The following DNAH10 variants were observed in gnomAD, a reference collection of about 807,000 sequenced individuals.
The protein encoded by DNAH10 is axonemal beta dynein heavy chain 10.
A neutral mutation model predicts 506.6 loss-of-function variants in DNAH10; 348 were observed. The ratio of observed to expected loss-of-function variants is 0.69; its 90% confidence interval spans 0.63 to 0.75. The LOEUF (loss-of-function observed/expected upper bound fraction) is 0.75. Ranked by LOEUF, DNAH10 falls within the 30% of genes least tolerant of loss-of-function variation. DNAH10 has a pLI of 0.00. For missense variants in DNAH10, 5,179 were observed against 5,787.1 expected (o/e 0.89, Z 3.41); for synonymous variants, 2,059 against 2,198.6 (o/e 0.94, Z 1.78).
chr12:123,878,342 C>T (rs11057382), intron 48 of DNAH10, among the ~76,000 whole-genome samples: 67,260 of 152,058 alleles, frequency 0.44, 15,532 homozygotes, highest in Non-Finnish European at 0.51. Flanking sequence ...TAGGCTTATA[C>T]CTTTACATGA....
intron 5 of DNAH10, among the ~76,000 whole-genome samples, chr12:123,777,743 T>A (rs112376732): frequency 0.045 from 6,881 of 152,266 alleles, 495 homozygotes; most frequent in African/African-American, 0.15. Flanking sequence ...CCTCCCAGGC[T>A]TAAACGATCC....
chr12:123,899,884 G>GCA (rs540219640), intron 56 of DNAH10, among the ~76,000 whole-genome samples: 32 of 152,168 alleles, frequency 2.1e-4, no homozygotes, highest in Non-Finnish European at 4.7e-4. Context: ...TCTGTTGCTT[G>GCA]CAACCAAAGC....
chr12:123,853,719 GT>G lies in DNAH10; in HGVS notation c.6438+375del, dbSNP rs1255991524. Among the ~76,000 whole-genome samples the G allele has an allele frequency of 5.9e-5, 9 of 151,978 alleles. No homozygotes were observed. The South Asian group carries it at 1.7e-3, about 28-fold the overall frequency. On this transcript the variant is annotated intron_variant, in intron 36 of 78. Transcript: ENST00000673944. The surrounding 1 kb of genome is among the most constrained non-coding windows in gnomAD (Gnocchi z 4.7). ...TGAAACAAAAGAGGGGAACAATTGT[GT>G]TTTTTTTACATGGACTTTAAATAAA...
intron 24 of DNAH10, among the ~76,000 whole-genome samples, chr12:123,825,324 C>T (rs1344705818): frequency 6.6e-6 from 1 of 152,172 alleles, no homozygotes; most frequent in African/African-American, 2.4e-5. Context: ...CTTGCAGAGA[C>T]TTCTGCATGA....
At chr12:123,869,071 G>T (rs1951923592) in intron 43 of DNAH10, among the ~76,000 whole-genome samples, 1 of 152,158 alleles carries the variant, frequency 6.6e-6, no homozygotes, top group South Asian at 2.1e-4. Context: ...CCAGACACCT[G>T]CTCACAGCTT....
Position 123,785,980 on chromosome 12 carries a change from CT to C in DNAH10, c.1421+49del. On this transcript the variant is annotated intron_variant, in intron 9 of 78. Coordinates refer to ENST00000673944, the MANE Select transcript of DNAH10 (RefSeq NM_001372106.1). The surrounding 1 kb of genome is among the most constrained non-coding windows in gnomAD (Gnocchi z 4.1). The stretch of plus-strand genomic sequence containing the variant: ...CATTTTTTTGTTTTGTTTTGTTTCA[CT>C]TTTTACTTTTTAGATCTTAAACAGC... The C allele has an allele frequency of 6.4e-7, 1 of 1,571,606 alleles. No individual in the cohort carries two copies. The highest frequency in any genetic ancestry group is 8.7e-7 in the Non-Finnish European group (1 of 1,153,640).
chr12:123,834,789 G>A (rs952924539), intron 27 of DNAH10, among the ~76,000 whole-genome samples: 33 of 152,142 alleles, frequency 2.2e-4, no homozygotes, highest in African/African-American at 5.8e-4. Context: ...GATCCTTTAC[G>A]TCTGGCTTTT....
At position 123,813,257 on chromosome 12, in the gene DNAH10, ATC is replaced by A; in HGVS notation, c.3244_3245del (p.Leu1082GlufsTer6). The A allele has an allele frequency of 1.9e-6, 3 of 1,614,208 alleles. No individual in the cohort carries two copies. The highest frequency in any genetic ancestry group is 2.5e-6 in the Non-Finnish European group (3 of 1,180,032). ...TGTTATAATAAACTTTTACAATGAT[ATC>A]TCTCTGAACCCTCAGATAATTGAAC... ...EVVIINFYND[I>X]SLNPQIIEQA... On this transcript the variant is annotated frameshift_variant, in exon 20 of 79. Transcript: ENST00000673944. LOFTEE classifies it high-confidence loss of function.
At chr12:123,815,948 A>G (rs1472615373) in intron 21 of DNAH10, among the ~76,000 whole-genome samples, 1 of 152,212 alleles carries the variant, frequency 6.6e-6, no homozygotes, top group Non-Finnish European at 1.5e-5. Flanking sequence ...CAGTATTGTA[A>G]TCTTATGGGA....
At chr12:123,893,838 C>T (rs937404293) in intron 53 of DNAH10, among the ~76,000 whole-genome samples, 3 of 152,066 alleles carry the variant, frequency 2.0e-5, no homozygotes, top group Non-Finnish European at 2.9e-5. Flanking sequence ...ATCACAGCCC[C>T]GGGGAGCATG....
At chr12:123,872,697 G>C (rs758857606) in intron 45 of DNAH10, among the ~76,000 whole-genome samples, 3 of 148,548 alleles carry the variant, frequency 2.0e-5, no homozygotes. Context: ...GGTAGTCCCA[G>C]CTACTCAAGA....
intron 29 of DNAH10, among the ~76,000 whole-genome samples, chr12:123,840,606 G>A (rs1436160517): frequency 6.6e-6 from 1 of 151,822 alleles, no homozygotes; most frequent in Non-Finnish European, 1.5e-5. Flanking sequence ...TTTTACTGTT[G>A]TAGAAAAATA....
rs761123292 is a variant in DNAH10, at chr12:123,847,945, A to G, written c.5815-16A>G. The G allele has an allele frequency of 6.3e-7, 1 of 1,592,236 alleles. No individual in the cohort carries two copies. Among genetic ancestry groups the G allele is most frequent in the South Asian group, 1.1e-5 (1 of 89,138 alleles). The stretch of plus-strand genomic sequence containing the variant: ...GTGCACCAGAAAACATATGTTTTGC[A>G]TTTGGCTTATAACAGGCGCTGTCCA... On this transcript the variant is annotated splice_polypyrimidine_tract_variant and intron_variant, in intron 32 of 78. Transcript: ENST00000673944.
intron 18 of DNAH10, among the ~76,000 whole-genome samples, chr12:123,807,552 G>T (rs184864910): frequency 6.6e-6 from 1 of 152,212 alleles, no homozygotes; most frequent in Admixed American, 6.5e-5. Context: ...AGACCCACAG[G>T]TGGGCCTTTG....
intron 26 of DNAH10, among the ~76,000 whole-genome samples, chr12:123,832,328 C>A (rs564180798): frequency 6.6e-6 from 1 of 152,100 alleles, no homozygotes; most frequent in African/African-American, 2.4e-5. Context: ...TGCACACGTA[C>A]ATATAATGTA....
At chr12:123,781,027 T>G in intron 5 of DNAH10, 53 bp from the exon 6 acceptor site, 1 of 1,406,802 alleles carries the variant, frequency 7.1e-7, no homozygotes. Context: ...TTTGAATACA[T>G]GAATTATTGA....
intron 28 of DNAH10, among the ~76,000 whole-genome samples, chr12:123,837,471 A>G (rs1662003902): frequency 6.6e-6 from 1 of 152,116 alleles, no homozygotes. Flanking sequence ...CCCCTTGCCC[A>G]GGGTAACCAT....
chr12:123,810,376 A>C (rs1039376974), intron 19 of DNAH10, among the ~76,000 whole-genome samples: 12 of 152,210 alleles, frequency 7.9e-5, no homozygotes, highest in African/African-American at 2.2e-4. Context: ...ATTTCATTTC[A>C]CAGTACTTAA....
rs536365666 is a variant in DNAH10 at position 123,823,183 on chromosome 12, C to A, written c.4179+2425C>A. Among the ~76,000 whole-genome samples the A allele has an allele frequency of 3.3e-5, 5 of 152,308 alleles. No homozygotes were observed. The South Asian group carries it at 1.0e-3, about 32-fold the overall frequency. ...TTGCCTGGTGCAGAACAAGGCTTTC[C>A]AGGCAGAGCGCTGGGCAGGAGCAGA... On this transcript the variant is annotated intron_variant, in intron 24 of 78. Transcript: ENST00000673944.
Sources: gnomAD v4.1 joint callset for allele counts (sites outside exome capture counted in the v4.1 genomes callset) on GRCh38, gnomAD v4.1.1 for gene constraint, Gnocchi (gnomAD v3.1) non-coding constraint, MANE v1.5 for transcripts, NCBI Gene and HGNC (gene_info 2026-07-23, HGNC 2026-07-21) for gene names.